HYCC2: variants seen among roughly 807,000 people sequenced by gnomAD.
The protein encoded by HYCC2 is hyccin 2.
At chr2:200,981,168 T>C in the HYCC2 span, 72 of 1,366,380 alleles carry the variant, frequency 5.3e-5, no homozygotes, top group African/African-American at 8.8e-4. The surrounding 1 kb of genome is among the most constrained non-coding windows in gnomAD (Gnocchi z 4.5). Flanking sequence ...TGAAATCTGA[T>C]AACAGTGACC....
At chr2:201,057,889 G>C in the HYCC2 span, among the ~76,000 whole-genome samples, 1 of 152,142 alleles carries the variant, frequency 6.6e-6, no homozygotes, top group East Asian at 1.9e-4. Context: ...CCAAAGATAT[G>C]GATCTATCGG....
the HYCC2 span, among the ~76,000 whole-genome samples, chr2:200,984,918 G>C: frequency 2.6e-5 from 4 of 152,184 alleles, no homozygotes; most frequent in African/African-American, 9.7e-5. Flanking sequence ...TTCAAGACTA[G>C]TCTGGGCAAC....
At chr2:201,065,327 T>A in the HYCC2 span, among the ~76,000 whole-genome samples, 1 of 152,240 alleles carries the variant, frequency 6.6e-6, no homozygotes, top group South Asian at 2.1e-4. Flanking sequence ...ATAGATGCAC[T>A]ATAGTCTATT....
the HYCC2 span, among the ~76,000 whole-genome samples, chr2:201,036,059 A>G: frequency 2.0e-5 from 3 of 152,094 alleles, no homozygotes; most frequent in African/African-American, 7.2e-5. Flanking sequence ...GATAAAGGGG[A>G]TATCACCACC....
At chr2:200,992,732 T>G in the HYCC2 span, among the ~76,000 whole-genome samples, 1 of 152,180 alleles carries the variant, frequency 6.6e-6, no homozygotes, top group Non-Finnish European at 1.5e-5. Flanking sequence ...TTTGGCTTAT[T>G]TAAAAGTACT....
chr2:200,998,128 A>G, the HYCC2 span, among the ~76,000 whole-genome samples: 52 of 152,264 alleles, frequency 3.4e-4, no homozygotes, highest in African/African-American at 1.3e-3. Flanking sequence ...ATAAAATCCA[A>G]ACTTATCACA....
the HYCC2 span, among the ~76,000 whole-genome samples, chr2:201,033,976 T>TAA: frequency 2.1e-5 from 3 of 142,026 alleles, no homozygotes; most frequent in Admixed American, 7.1e-5. Context: ...TCCTCTAGTT[T>TAA]AAAAAAAAAA....
At chr2:200,981,437 C>G in the HYCC2 span, 36 of 1,614,180 alleles carry the variant, frequency 2.2e-5, no homozygotes, top group Non-Finnish European at 2.9e-5. This position sits in a 1 kb window ranked among gnomAD's most constrained non-coding sequence, Gnocchi z 4.5. Context: ...AAATTAGTAC[C>G]TCCCTCAGTG....
the HYCC2 span, chr2:201,017,025 C>A: frequency 1.2e-6 from 2 of 1,613,724 alleles, no homozygotes; most frequent in East Asian, 2.2e-5. Context: ...TGCTTCAATG[C>A]AACCATTACT....
At chr2:200,991,694 C>T in the HYCC2 span, among the ~76,000 whole-genome samples, 1 of 151,904 alleles carries the variant, frequency 6.6e-6, no homozygotes, top group African/African-American at 2.4e-5. Context: ...AAGATCACAC[C>T]ACTGCACTCC....
At chr2:200,988,573 G>T in the HYCC2 span, 15 of 517,934 alleles carry the variant, frequency 2.9e-5, no homozygotes, top group Non-Finnish European at 4.5e-5. Flanking sequence ...TTTTAAGCAG[G>T]CTTTTCAAAT....
chr2:201,034,081 C>T, the HYCC2 span, among the ~76,000 whole-genome samples: 1 of 151,726 alleles, frequency 6.6e-6, no homozygotes, highest in East Asian at 1.9e-4. Context: ...CTATAGTTTC[C>T]ACCCATACCA....
At chr2:201,070,874 A>G in the HYCC2 span, among the ~76,000 whole-genome samples, 2 of 152,120 alleles carry the variant, frequency 1.3e-5, no homozygotes, top group Non-Finnish European at 2.9e-5. Context: ...AAATAAATTC[A>G]CGAACTACAA....
chr2:200,995,444 CAGAA>C, the HYCC2 span, among the ~76,000 whole-genome samples: 1 of 152,158 alleles, frequency 6.6e-6, no homozygotes, highest in African/African-American at 2.4e-5. Flanking sequence ...TTCTAACCAG[CAGAA>C]TAAGGCAAAG....
the HYCC2 span, among the ~76,000 whole-genome samples, chr2:201,040,279 T>C: frequency 2.0e-5 from 3 of 152,078 alleles, no homozygotes; most frequent in African/African-American, 7.2e-5. Flanking sequence ...GGTGGCACAA[T>C]GTAGTGGTGT....
At chr2:201,054,778 T>A in the HYCC2 span, among the ~76,000 whole-genome samples, 2 of 152,196 alleles carry the variant, frequency 1.3e-5, no homozygotes. Flanking sequence ...TATTTAGGTA[T>A]GTAGGCACAA....
the HYCC2 span, among the ~76,000 whole-genome samples, chr2:201,053,512 C>T: frequency 1.3e-5 from 2 of 152,228 alleles, no homozygotes; most frequent in African/African-American, 4.8e-5. Flanking sequence ...CTTCTTTCTA[C>T]TTTTAAAATC....
chr2:201,047,465 T>TAC, the HYCC2 span, among the ~76,000 whole-genome samples: 26 of 148,888 alleles, frequency 1.7e-4, no homozygotes, highest in Middle Eastern at 3.4e-3. Context: ...TATATATATA[T>TAC]ACACACACAC....
chr2:201,051,140 G>A, the HYCC2 span, among the ~76,000 whole-genome samples: 2 of 152,086 alleles, frequency 1.3e-5, no homozygotes, highest in Non-Finnish European at 2.9e-5. Context: ...GGCAGTTCAG[G>A]AGAAAATTCA....
Sources: gnomAD v4.1 joint callset for allele counts (sites outside exome capture counted in the v4.1 genomes callset) on GRCh38, gnomAD v4.1.1 for gene constraint, Gnocchi (gnomAD v3.1) non-coding constraint, MANE v1.5 for transcripts, NCBI Gene and HGNC (gene_info 2026-07-23, HGNC 2026-07-21) for gene names.